Variants in CLCN5 observed in about 807,000 individuals in gnomAD.
CLCN5 encodes H(+)/Cl(-) exchange transporter 5.
In CLCN5, 17 loss-of-function variants were observed where a neutral mutation model predicts 54.0. That is an observed-to-expected ratio of 0.31 (90% CI 0.22 to 0.47). The LOEUF is 0.47. CLCN5 is among the 20% of genes least tolerant of loss of function. The probability of loss-of-function intolerance (pLI) is 1.00; values close to 1 mark genes in which losing one functional copy is unlikely to be tolerated. For synonymous variants in CLCN5, 222 were observed against 233.0 expected (o/e 0.95, Z 0.43); for missense variants, 448 against 646.7 (o/e 0.69, Z 3.33).
chrX:50,062,887 A>G (rs1932882762), intron 4 of CLCN5, among the ~76,000 whole-genome samples: 1 of 107,367 alleles, frequency 9.3e-6, no homozygotes. Context: ...TGGAAACTGA[A>G]CAACCTGCTC....
At chrX:50,080,558 T>C in intron 7 of CLCN5, 36 bp from the exon 8 acceptor site, 1 of 1,195,221 alleles carries the variant, frequency 8.4e-7, no homozygotes, top group Non-Finnish European at 1.1e-6. Context: ...TGAAGCTGTC[T>C]AGGCTAAAAC....
chrX:50,004,716 C>T (rs1362305980), intron 3 of CLCN5, among the ~76,000 whole-genome samples: 1 of 111,261 alleles, frequency 9.0e-6, no homozygotes, highest in East Asian at 2.8e-4. Flanking sequence ...TCAAGACCAG[C>T]CTGGCCAACA....
chrX:49,960,728 T>C (rs1234631701), intron 3 of CLCN5, among the ~76,000 whole-genome samples: 1 of 110,873 alleles, frequency 9.0e-6, no homozygotes, highest in Non-Finnish European at 1.9e-5. Context: ...ATCATCTCCC[T>C]TCTCTCTCTT....
At chrX:49,941,424 A>T (rs1455784203) in intron 3 of CLCN5, among the ~76,000 whole-genome samples, 2 of 111,468 alleles carry the variant, frequency 1.8e-5, no homozygotes, top group African/African-American at 6.5e-5. Flanking sequence ...ATGGAATGAG[A>T]AATGTAAGCA....
intron 3 of CLCN5, among the ~76,000 whole-genome samples, chrX:49,941,592 A>G (rs1461157414): frequency 9.0e-6 from 1 of 110,517 alleles, no homozygotes; most frequent in Non-Finnish European, 1.9e-5. Context: ...CAGTTCTAAC[A>G]GCTTCTGTGA....
chrX:49,932,737 ATG>A (rs1300794601), intron 3 of CLCN5, among the ~76,000 whole-genome samples: 3 of 112,800 alleles, frequency 2.7e-5, no homozygotes, highest in Non-Finnish European at 5.6e-5. Flanking sequence ...ACTGTATCTA[ATG>A]TAGAGGTTGC....
chrX:49,928,088 A>T (rs1406615783), intron 3 of CLCN5, among the ~76,000 whole-genome samples: 1 of 112,163 alleles, frequency 8.9e-6, no homozygotes, highest in Non-Finnish European at 1.9e-5. Context: ...TTTAGTATTC[A>T]ATAGTACAGT....
intron 3 of CLCN5, among the ~76,000 whole-genome samples, chrX:49,928,518 G>T (rs1178037635): frequency 3.6e-5 from 4 of 112,104 alleles, no homozygotes; most frequent in Non-Finnish European, 7.5e-5. Flanking sequence ...ATAACCTGGG[G>T]TGGGACTGGG....
At chrX:49,969,201 C>A (rs148101419) in intron 3 of CLCN5, among the ~76,000 whole-genome samples, 1,637 of 110,926 alleles carry the variant, frequency 0.015, 25 homozygotes, top group African/African-American at 0.051. Flanking sequence ...CTTCAGCCTC[C>A]CAAGTAGCTG....
intron 4 of CLCN5, among the ~76,000 whole-genome samples, chrX:50,057,635 C>G (rs1939620628): frequency 5.8e-5 from 4 of 68,952 alleles, no homozygotes; most frequent in Non-Finnish European, 1.1e-4. Context: ...ATCCAGGACT[C>G]TCCTGGATAG....
At chrX:49,941,415 T>C (rs1384647385) in intron 3 of CLCN5, among the ~76,000 whole-genome samples, 1 of 111,678 alleles carries the variant, frequency 9.0e-6, no homozygotes, top group Non-Finnish European at 1.9e-5. Context: ...TACTTTATTA[T>C]GGAATGAGAA....
chrX:49,924,410 C>T (rs1348059816), intron 2 of CLCN5, among the ~76,000 whole-genome samples: 1 of 112,146 alleles, frequency 8.9e-6, no homozygotes, highest in Non-Finnish European at 1.9e-5. Context: ...AGGTGATCCG[C>T]CTGCTTCGGC....
chrX:50,032,722 T>G (rs1259157494), intron 3 of CLCN5, among the ~76,000 whole-genome samples: 1 of 110,243 alleles, frequency 9.1e-6, no homozygotes, highest in Non-Finnish European at 1.9e-5. Flanking sequence ...CTCTTGAGTT[T>G]AATTAGATCC....
intron 3 of CLCN5, among the ~76,000 whole-genome samples, chrX:49,975,948 ATGT>A (rs1252965915): frequency 9.0e-6 from 1 of 111,427 alleles, no homozygotes; most frequent in Non-Finnish European, 1.9e-5. Flanking sequence ...ATGTCTGGAG[ATGT>A]TGTTCATTGT....
chrX:49,972,480 G>A (rs782077116), intron 3 of CLCN5, among the ~76,000 whole-genome samples: 3 of 111,476 alleles, frequency 2.7e-5, no homozygotes, highest in Admixed American at 1.9e-4. Context: ...TGAAGCAACC[G>A]GTCCAGAGGT....
At chrX:50,026,513 ATC>A (rs1931397738) in intron 3 of CLCN5, among the ~76,000 whole-genome samples, 1 of 111,508 alleles carries the variant, frequency 9.0e-6, no homozygotes, top group South Asian at 3.8e-4. Flanking sequence ...TTCTCCTTGT[ATC>A]TCTATCAGTT....
chrX:50,067,321 T>TC (rs1933059837), intron 4 of CLCN5, among the ~76,000 whole-genome samples: 1 of 111,593 alleles, frequency 9.0e-6, no homozygotes, highest in East Asian at 2.8e-4. Flanking sequence ...CCTTTTATAC[T>TC]TAGGACCCCT....
At chrX:49,929,772 G>GATT (rs1557168565) in intron 3 of CLCN5, among the ~76,000 whole-genome samples, 1 of 99,772 alleles carries the variant, frequency 1.0e-5, no homozygotes, top group African/African-American at 4.2e-5. Flanking sequence ...ATAAATATAG[G>GATT]TTTTTTGTTT....
rs67112442 is a variant in CLCN5, at chrX:50,090,942, TAGAA to T, written c.2360+61_2360+64del. On this transcript the variant is annotated intron_variant, in intron 14 of 14. Coordinates refer to ENST00000376091, the MANE Select transcript of CLCN5 (RefSeq NM_001127898.4). ...TTGTGGGAGAAAGAGAATGCAGAGA[TAGAA>T]AGAAGTAGAAAGAAGTAGAACCCAG... The T allele has an allele frequency of 8.6e-3, 7,410 of 861,814 alleles. 302 individuals carry two copies. In the African/African-American group the frequency reaches 0.13, roughly 15 times the overall value. The allele number at this position is 861,814 out of a possible 1,213,427, so 71.0% of individuals were successfully genotyped here.
Sources: gnomAD v4.1 joint callset for allele counts (sites outside exome capture counted in the v4.1 genomes callset) on GRCh38, gnomAD v4.1.1 for gene constraint, MANE v1.5 for transcripts, NCBI Gene and HGNC (gene_info 2026-07-23, HGNC 2026-07-21) for gene names.